SLC30A10: variants seen among roughly 807,000 people sequenced by gnomAD.
The protein encoded by SLC30A10 is calcium/manganese antiporter SLC30A10.
SLC30A10 carries 8 observed loss-of-function variants against 21.7 expected under a neutral mutation model. The ratio of observed to expected loss-of-function variants is 0.37; its 90% CI spans 0.22 to 0.67. The LOEUF is 0.67. Among genes scored for constraint, SLC30A10 ranks in the 30% least tolerant of loss-of-function variants. The probability of loss-of-function intolerance (pLI) is 0.58; values close to 1 mark genes in which losing one functional copy is unlikely to be tolerated. For synonymous variants in SLC30A10, 272 were observed against 279.4 expected (o/e 0.97, Z 0.26); for missense variants, 521 against 642.5 (o/e 0.81, Z 2.04).
In SLC30A10 at chr1:219,914,983, T is replaced by A. The variant is rs972827342; in HGVS notation, c.*466A>T. The A allele has an allele frequency of 1.9e-5, 3 of 154,310 alleles. No individual in the cohort carries two copies. Among genetic ancestry groups the A allele is most frequent in the Non-Finnish European group, 2.9e-5 (2 of 69,518 alleles). The allele number at this position is 154,310 out of a possible 1,614,324, so 9.6% of individuals were successfully genotyped here. On this transcript the variant is annotated 3_prime_UTR_variant, in exon 4 of 4. Coordinates refer to ENST00000366926, the MANE Select transcript of SLC30A10 (RefSeq NM_018713.3). ...TTCTTCAGTGCCAGAAATACTTAAC[T>A]TGCCTCTTTTATGATCGTTAAGGGG... is the stretch of plus-strand genomic sequence containing the variant.
chr1:219,926,976 G>T, intron 2 of SLC30A10, 52 bp downstream of exon 2: 2 of 1,387,002 alleles, frequency 1.4e-6, no homozygotes, highest in Non-Finnish European at 2.0e-6. Context: ...AAACAACACA[G>T]TCCATGTGTG....
rs752370691 is a variant in SLC30A10, at chr1:219,927,856, C to T, written c.585G>A (p.Gly195=). The part of the protein sequence containing the change: ...PGSDSAVTLR[G]TSVERKREKG... ...TCTCCCGCTTCCTTTCCACCGAGGT[C>T]CCCCGGAGGGTTACGGCCGAGTCCG... The change falls in exon 1 of 4, where the codon GGG becomes GGA. Residue 195 remains glycine, a synonymous_variant. Transcript: ENST00000366926. 3.9e-6 allele frequency: 6 copies of T among 1,546,902 alleles called. No individual in the cohort carries two copies. The highest frequency in any genetic ancestry group is 1.7e-4 in the Middle Eastern group (1 of 5,982).
chr1:219,925,410 T>C (rs1337576900), intron 2 of SLC30A10, among the ~76,000 whole-genome samples: 1 of 151,192 alleles, frequency 6.6e-6, no homozygotes, highest in African/African-American at 2.4e-5. Flanking sequence ...GGTGCGCACC[T>C]GTAATCCCAG....
upstream of SLC30A10, among the ~76,000 whole-genome samples, chr1:219,930,176 A>G (rs1344330477): frequency 7.0e-6 from 1 of 141,966 alleles, no homozygotes; most frequent in African/African-American, 2.9e-5. Context: ...ACAAACAAAC[A>G]AAAAAAAAAC....
chr1:219,928,334 G>A lies in SLC30A10; in HGVS notation c.107C>T (p.Ala36Val). 1 of 1,612,902 alleles carries A rather than the reference G, an allele frequency of 6.2e-7. No individual in the cohort carries two copies. Among genetic ancestry groups the A allele is most frequent in the Non-Finnish European group, 8.5e-7 (1 of 1,179,666 alleles). Residue 36 changes from alanine (A) to valine (V), a missense_variant, in exon 1 of 4, where the codon GCG (alanine) becomes GTG (valine). Coordinates refer to ENST00000366926, the MANE Select transcript of SLC30A10 (RefSeq NM_018713.3). This position sits in a 1 kb window ranked among gnomAD's most constrained non-coding sequence, Gnocchi z 6.3. The part of the protein sequence containing the change: ...LVSGYLGNSI[A>V]LLSDSFNMLS... Reference sequence around the variant, plus strand: ...CATGTTGAAGGAGTCGGAGAGCAGCGCGATGGAGTTGCCCAGGTAGCCGGA... The same window carrying A: ...CATGTTGAAGGAGTCGGAGAGCAGCACGATGGAGTTGCCCAGGTAGCCGGA...
rs1183538930 is a variant in SLC30A10, at chr1:219,913,421, CTG to C, written c.*2026_*2027del. 1 of 152,208 alleles carries C rather than the reference CTG, an allele frequency of 6.6e-6. No individual in the cohort carries two copies. Among genetic ancestry groups the C allele is most frequent in the African/African-American group, 2.4e-5 (1 of 41,444 alleles). The allele number at this position is 152,208 out of a possible 1,614,324, so 9.4% of individuals were successfully genotyped here. On this transcript the variant is annotated 3_prime_UTR_variant, in exon 4 of 4. Transcript: ENST00000366926. ...ATTCCTTCAGCCAGTTGCACAAAAA[CTG>C]TGAAATTATAATTTTCCCTTTTAAT... is the stretch of plus-strand genomic sequence containing the variant.
chr1:219,915,271 T>C lies in SLC30A10; in HGVS notation c.*178A>G. On this transcript the variant is annotated 3_prime_UTR_variant, in exon 4 of 4. Transcript: ENST00000366926. The stretch of plus-strand genomic sequence containing the variant: ...ACCCAGGGGAATGGAAAGGAGTTAG[T>C]TACATAAAAATTCACAGACACGTTT... 1.4e-6 allele frequency: 1 copy of C among 717,212 alleles called. No individual in the cohort carries two copies. Among genetic ancestry groups the C allele is most frequent in the Non-Finnish European group, 2.4e-6 (1 of 422,764 alleles). 44.4% of individuals were successfully genotyped at this position (717,212 alleles called of 1,614,324 possible).
At chr1:219,935,791 A>G (rs2102540351) in intron 1 of SLC30A10, among the ~76,000 whole-genome samples, 1 of 152,328 alleles carries the variant, frequency 6.6e-6, no homozygotes, top group East Asian at 1.9e-4. Flanking sequence ...AGAGTATCCT[A>G]CTTTTTATAA....
At chr1:219,932,922 G>A (rs781274031), upstream of SLC30A10, among the ~76,000 whole-genome samples, 20 of 151,124 alleles carry the variant, frequency 1.3e-4, 1 homozygote, top group African/African-American at 4.9e-5. Flanking sequence ...TTAACCGGGC[G>A]TGGTGGCGCA....
intron 1 of SLC30A10, among the ~76,000 whole-genome samples, chr1:219,943,587 T>C (rs927741018): frequency 9.2e-5 from 14 of 152,174 alleles, no homozygotes; most frequent in African/African-American, 2.9e-4. Context: ...AGGAAAATTT[T>C]AACCTGAGTG....
At chr1:219,937,044 G>T (rs1660054584) in intron 1 of SLC30A10, among the ~76,000 whole-genome samples, 1 of 151,944 alleles carries the variant, frequency 6.6e-6, no homozygotes, top group Non-Finnish European at 1.5e-5. Flanking sequence ...AGAGCTCTTG[G>T]GTTATCTACA....
At chr1:219,948,414 A>T (rs1032361239) in intron 1 of SLC30A10, among the ~76,000 whole-genome samples, 5 of 152,176 alleles carry the variant, frequency 3.3e-5, no homozygotes, top group Non-Finnish European at 5.9e-5. Flanking sequence ...CAAAACAGAG[A>T]TATAGATCAA....
Position 219,922,158 on chromosome 1 carries a change from TTGTG to T in SLC30A10, c.719-3668_719-3665del, listed in dbSNP as rs139669169. On this transcript the variant is annotated intron_variant, in intron 2 of 3. Transcript: ENST00000366926. ...TAAAAGAATTTTTTTACCTTCTTGTTTGTGTGTGTGTGTGTGTGTTTTTTTTTTT... is the reference window on the plus strand; with the variant it reads ...TAAAAGAATTTTTTTACCTTCTTGTTTGTGTGTGTGTGTGTTTTTTTTTTT... Among the ~76,000 whole-genome samples, 249 of 42,898 alleles carry T rather than the reference TTGTG, an allele frequency of 5.8e-3. 42 individuals are homozygous for T. Among genetic ancestry groups the T allele is most frequent in the East Asian group, 0.029 (34 of 1,182 alleles). The allele number at this position is 42,898 out of a possible 152,430, so 28.1% of individuals were successfully genotyped here. A position where few individuals can be genotyped will look rare whatever the true frequency, so the allele number is the denominator to read the frequency against.
intron 1 of SLC30A10, among the ~76,000 whole-genome samples, chr1:219,950,137 G>A (rs1052895782): frequency 2.0e-5 from 3 of 152,156 alleles, no homozygotes; most frequent in Non-Finnish European, 2.9e-5. Flanking sequence ...GCCATAAAAC[G>A]GTTGATGCCT....
At chr1:219,921,055 C>T (rs1659665162) in intron 2 of SLC30A10, among the ~76,000 whole-genome samples, 2 of 152,182 alleles carry the variant, frequency 1.3e-5, no homozygotes, top group African/African-American at 4.8e-5. Context: ...ATAAAGAAAA[C>T]AAGCCGCGTG....
intron 1 of SLC30A10, among the ~76,000 whole-genome samples, chr1:219,942,507 A>G (rs1660135497): frequency 6.6e-6 from 1 of 152,228 alleles, no homozygotes; most frequent in African/African-American, 2.4e-5. Context: ...GGACATAGGG[A>G]AAACTACCTC....
chr1:219,922,584 T>C (rs935880108), intron 2 of SLC30A10, among the ~76,000 whole-genome samples: 2 of 152,144 alleles, frequency 1.3e-5, no homozygotes, highest in Admixed American at 1.3e-4. Flanking sequence ...ACCCTGACGC[T>C]GTTGCTATGA....
intron 1 of SLC30A10, among the ~76,000 whole-genome samples, chr1:219,943,772 C>G (rs1007051695): frequency 1.5e-4 from 23 of 152,050 alleles, no homozygotes; most frequent in African/African-American, 4.8e-4. Context: ...GAAATAGAAA[C>G]TTTAAAAATG....
intron 2 of SLC30A10, among the ~76,000 whole-genome samples, chr1:219,925,487 T>C (rs1321069461): frequency 4.7e-5 from 7 of 150,414 alleles, no homozygotes; most frequent in African/African-American, 1.7e-4. Context: ...TGAGCAGAGA[T>C]GGCGCCACTG....
Sources: gnomAD v4.1 joint callset for allele counts (sites outside exome capture counted in the v4.1 genomes callset) on GRCh38, gnomAD v4.1.1 for gene constraint, Gnocchi (gnomAD v3.1) non-coding constraint, MANE v1.5 for transcripts, NCBI Gene and HGNC (gene_info 2026-07-23, HGNC 2026-07-21) for gene names.